Variants in PI15 observed in about 807,000 individuals in gnomAD.
PI15 encodes peptidase inhibitor 15, also known as 25 kDa trypsin inhibitor.
In PI15, 18 loss-of-function variants were observed where a neutral mutation model predicts 31.0. That is an observed-to-expected ratio of 0.58 (90% CI 0.40 to 0.86). The LOEUF is 0.86. Ranked by LOEUF, PI15 falls within the 40% of genes least tolerant of loss-of-function variation. The probability of loss-of-function intolerance (pLI) is 0.00; values close to 1 mark genes in which losing one functional copy is unlikely to be tolerated. For synonymous variants in PI15, 118 were observed against 119.1 expected (o/e 0.99, Z 0.06); for missense variants, 282 against 328.1 (o/e 0.86, Z 1.09).
rs1045981609 is a variant in PI15, at chr8:74,850,237, G to T, written c.*984G>T. The T allele has an allele frequency of 1.3e-5, 2 of 152,198 alleles. No individual in the cohort carries two copies. The highest frequency in any genetic ancestry group is 4.8e-5 in the African/African-American group (2 of 41,446). 9.4% of individuals were successfully genotyped at this position (152,198 alleles called of 1,614,324 possible). ...GCTTGGAATGAGAAGGGGAAGGAAA[G>T]AATTAACAAATGCCAAGATTTCTGG... On this transcript the variant is annotated 3_prime_UTR_variant, in exon 6 of 6. Coordinates refer to ENST00000260113, the MANE Select transcript of PI15 (RefSeq NM_015886.5).
At chr8:74,829,534 T>C (rs1203849123) in intron 2 of PI15, among the ~76,000 whole-genome samples, 2 of 152,130 alleles carry the variant, frequency 1.3e-5, no homozygotes, top group African/African-American at 4.8e-5. Context: ...ATTTGTAGGA[T>C]GTTCTCTGAA....
rs36083765 is a variant in PI15 at position 74,825,535 on chromosome 8, C to CTTT, written c.273+25_273+27dup. The stretch of plus-strand genomic sequence containing the variant: ...TATGGAATATATGGTAAGAAGAATT[C>CTTT]TTTTTTTTTTTTTTAAGTTCTGAGT... On this transcript the variant is annotated intron_variant, in intron 2 of 5. Coordinates refer to ENST00000260113, the MANE Select transcript of PI15 (RefSeq NM_015886.5). 127 of 1,420,020 alleles carry CTTT rather than the reference C, an allele frequency of 8.9e-5. No individual in the cohort carries two copies. The highest frequency in any genetic ancestry group is 1.1e-4 in the Non-Finnish European group (110 of 1,041,912). 88.0% of individuals were successfully genotyped at this position (1,420,020 alleles called of 1,614,324 possible).
intron 2 of PI15, among the ~76,000 whole-genome samples, chr8:74,840,853 T>C (rs2128765311): frequency 6.6e-6 from 1 of 152,272 alleles, no homozygotes; most frequent in African/African-American, 2.4e-5. Flanking sequence ...CCTCCTTCCC[T>C]GTAACTACCT....
chr8:74,849,021 C>T (rs1160821012), intron 5 of PI15, 97 bp from the exon 6 acceptor site: 1 of 997,080 alleles, frequency 1.0e-6, no homozygotes, highest in Admixed American at 2.4e-5. Context: ...AACGGATCAT[C>T]ACATGTCAAT....
At position 74,845,403 on chromosome 8, in the gene PI15, C is replaced by T. The variant is rs145048888; in HGVS notation, c.547C>T (p.Arg183Trp). Reference protein sequence around the residue: ...YTQMVWATSNRIGCAIHTCQN... With the variant: ...YTQMVWATSNWIGCAIHTCQN... ...ACAGATGGTTTGGGCCACTTCCAAT[C>T]GGATAGGATGCGCAATTCATACTTG... Residue 183 changes from arginine to tryptophan, a missense_variant, in exon 5 of 6, where the codon CGG becomes TGG. Arg to Trp is a moderately radical substitution (Grantham distance 101). Coordinates refer to ENST00000260113, the MANE Select transcript of PI15 (RefSeq NM_015886.5). 33 of 1,613,890 alleles carry T rather than the reference C, an allele frequency of 2.0e-5. No homozygotes were observed. Among genetic ancestry groups the T allele is most frequent in the Non-Finnish European group, 2.6e-5 (31 of 1,179,796 alleles).
intron 2 of PI15, among the ~76,000 whole-genome samples, chr8:74,835,909 C>T (rs1212860399): frequency 6.6e-6 from 1 of 152,132 alleles, no homozygotes; most frequent in Non-Finnish European, 1.5e-5. Flanking sequence ...TCTATTAAGG[C>T]TGTATTGAGC....
In PI15 at chr8:74,845,807, C is replaced by T. The variant is rs376884930; in HGVS notation, c.641+310C>T. 1.8e-3 allele frequency: 421 copies of T among 239,360 alleles called. 4 individuals carry two copies. In the South Asian group the frequency reaches 0.026, roughly 15 times the overall value. The allele number at this position is 239,360 out of a possible 1,614,324, so 14.8% of individuals were successfully genotyped here. On this transcript the variant is annotated intron_variant, in intron 5 of 5. Transcript: ENST00000260113. ...ACTGTACCACACAAGCTTTTAATAG[C>T]TATATAAAATAAATCAAGAAAGAAT... is the stretch of plus-strand genomic sequence containing the variant.
intron 2 of PI15, among the ~76,000 whole-genome samples, chr8:74,838,981 T>A (rs1324220119): frequency 6.6e-6 from 1 of 152,222 alleles, no homozygotes; most frequent in Non-Finnish European, 1.5e-5. Context: ...TTTGGATCAG[T>A]ATCATCAAAT....
chr8:74,837,627 C>T (rs1179873715), intron 2 of PI15, among the ~76,000 whole-genome samples: 1 of 151,960 alleles, frequency 6.6e-6, no homozygotes, highest in South Asian at 2.1e-4. Context: ...TAGGTTAGCA[C>T]TCTTTTCTCA....
chr8:74,840,536 G>A (rs1238613246), intron 2 of PI15, among the ~76,000 whole-genome samples: 1 of 152,172 alleles, frequency 6.6e-6, no homozygotes, highest in Non-Finnish European at 1.5e-5. Context: ...GACAGAGAAA[G>A]TAAATGTAGG....
At position 74,849,419 on chromosome 8, in the gene PI15, T is replaced by A; in HGVS notation, c.*166T>A. 2.0e-6 allele frequency: 1 copy of A among 494,374 alleles called. No homozygotes were observed. The highest frequency in any genetic ancestry group is 3.9e-5 in the South Asian group (1 of 25,770). The allele number at this position is 494,374 out of a possible 1,614,324, so 30.6% of individuals were successfully genotyped here. A position where few individuals can be genotyped will look rare whatever the true frequency, so the allele number is the denominator to read the frequency against. Reference sequence around the variant, plus strand: ...GTGTTTGTCTAGCATGTTTGTTTAATCCTTTGAAATATTTGAAACATCAAT... The same window carrying A: ...GTGTTTGTCTAGCATGTTTGTTTAAACCTTTGAAATATTTGAAACATCAAT... On this transcript the variant is annotated 3_prime_UTR_variant, in exon 6 of 6. Coordinates refer to ENST00000260113, the MANE Select transcript of PI15 (RefSeq NM_015886.5).
chr8:74,843,458 T>C (rs1586957332), intron 2 of PI15, among the ~76,000 whole-genome samples: 2 of 152,228 alleles, frequency 1.3e-5, no homozygotes, highest in East Asian at 3.9e-4. Context: ...TCTGGAGTGG[T>C]GGCTCATGCC....
At chr8:74,835,680 C>T (rs1236254975) in intron 2 of PI15, among the ~76,000 whole-genome samples, 1 of 152,114 alleles carries the variant, frequency 6.6e-6, no homozygotes, top group Non-Finnish European at 1.5e-5. Context: ...GGGAATGAAC[C>T]TTACTTGGGA....
chr8:74,829,097 G>A (rs562888754), intron 2 of PI15, among the ~76,000 whole-genome samples: 1 of 151,936 alleles, frequency 6.6e-6, no homozygotes, highest in South Asian at 2.1e-4. Flanking sequence ...TTGTATCTCT[G>A]TTTTCTTGGG....
intron 2 of PI15, among the ~76,000 whole-genome samples, chr8:74,827,105 A>G (rs1410032530): frequency 6.6e-6 from 1 of 152,140 alleles, no homozygotes; most frequent in African/African-American, 2.4e-5. Context: ...TGTAGCAATC[A>G]CATGACTCTA....
rs1811137359 is a variant in PI15, at chr8:74,853,586, T to A, written c.*4333T>A. ...CTACAGCTAATAATATTGCAGGCAC[T>A]GGCGCCCTCTGGTGGTTATGAAGAC... On this transcript the variant is annotated 3_prime_UTR_variant, in exon 6 of 6. Coordinates refer to ENST00000260113, the MANE Select transcript of PI15 (RefSeq NM_015886.5). 6.6e-6 allele frequency: 1 copy of A among 152,542 alleles called. No homozygotes were observed. Among genetic ancestry groups the A allele is most frequent in the African/African-American group, 2.4e-5 (1 of 41,460 alleles). 9.4% of individuals were successfully genotyped at this position (152,542 alleles called of 1,614,324 possible).
rs1482005059 is a variant in PI15 at position 74,852,367 on chromosome 8, A to G, written c.*3114A>G. 1 of 152,082 alleles carries G rather than the reference A, an allele frequency of 6.6e-6. No homozygotes were observed. The highest frequency in any genetic ancestry group is 1.5e-5 in the Non-Finnish European group (1 of 67,960). The allele number at this position is 152,082 out of a possible 1,614,324, so 9.4% of individuals were successfully genotyped here. A position where few individuals can be genotyped will look rare whatever the true frequency, so the allele number is the denominator to read the frequency against. ...GGATTTCATTATAGAATTATCTGTG[A>G]GTTGTGTAGACACAGTCTTAATGTT... On this transcript the variant is annotated 3_prime_UTR_variant, in exon 6 of 6. Transcript: ENST00000260113.
intron 5 of PI15, among the ~76,000 whole-genome samples, chr8:74,847,169 G>A (rs866062960): frequency 4.7e-4 from 72 of 152,154 alleles, no homozygotes; most frequent in African/African-American, 1.7e-3. Context: ...TGGAGGGCCA[G>A]GTGCGATGGC....
At chr8:74,825,097 G>T (rs1037543185) in intron 1 of PI15, 113 bp from the exon 2 acceptor site, 72 of 705,340 alleles carry the variant, frequency 1.0e-4, no homozygotes, top group Admixed American at 7.0e-5. Flanking sequence ...CATTTGTTTG[G>T]ATTTTTGAAG....
Sources: gnomAD v4.1 joint callset for allele counts (sites outside exome capture counted in the v4.1 genomes callset) on GRCh38, gnomAD v4.1.1 for gene constraint, MANE v1.5 for transcripts, NCBI Gene and HGNC (gene_info 2026-07-23, HGNC 2026-07-21) for gene names.